Variants in DNAAF5 observed in about 807,000 individuals in gnomAD.
DNAAF5 encodes HEAT repeat containing 2.
In DNAAF5, 64 loss-of-function variants were observed where a neutral mutation model predicts 75.8. That is an observed-to-expected ratio of 0.84 (90% CI 0.69 to 1.04). The LOEUF (loss-of-function observed/expected upper bound fraction) is 1.04. Ranked by LOEUF, DNAAF5 falls within the 50% of genes least tolerant of loss-of-function variation. The pLI, the probability that DNAAF5 is intolerant of heterozygous loss-of-function variation, is 0.00. For synonymous variants in DNAAF5, 657 were observed against 557.2 expected, an observed-to-expected ratio of 1.18 and a Z score of -2.52; for missense variants, 1,269 against 1,178.5, an observed-to-expected ratio of 1.08 and a Z score of -1.12.
At chr7:779,833 G>A in intron 11 of DNAAF5, 120 bp from the exon 12 acceptor site, 4 of 814,734 alleles carry the variant, frequency 4.9e-6, no homozygotes, top group Non-Finnish European at 5.7e-6. Flanking sequence ...CGTGAGGTGT[G>A]GGTTTCTTAG....
Position 774,214 on chromosome 7 carries a change from C to T in DNAAF5, c.2082+16C>T. On this transcript the variant is annotated intron_variant, in intron 10 of 12. Transcript: ENST00000297440. The stretch of plus-strand genomic sequence containing the variant: ...GGCAGAGCAGGTACGGGGCTCCCTG[C>T]GTGCTCGGTGGACACCGGCCGGGGA... 3.1e-6 allele frequency: 5 copies of T among 1,594,164 alleles called. No individual in the cohort carries two copies. Among genetic ancestry groups the T allele is most frequent in the Non-Finnish European group, 3.4e-6 (4 of 1,174,056 alleles).
chr7:767,847 G>A (rs540550794), intron 8 of DNAAF5, among the ~76,000 whole-genome samples: 6 of 147,222 alleles, frequency 4.1e-5, no homozygotes, highest in Non-Finnish European at 9.0e-5. Context: ...TCCCTGCTGC[G>A]AGCAGGAGCT....
chr7:756,677 C>G (rs1471656096), intron 5 of DNAAF5, 105 bp from the exon 6 acceptor site: 3 of 991,042 alleles, frequency 3.0e-6, no homozygotes, highest in Non-Finnish European at 4.7e-6. Context: ...ACACGGGGCT[C>G]TGTCTGGTGC....
At chr7:762,050 G>A (rs571156772) in intron 7 of DNAAF5, among the ~76,000 whole-genome samples, 154 bp downstream of exon 7, 2 of 151,586 alleles carry the variant, frequency 1.3e-5, no homozygotes, top group South Asian at 2.1e-4. Flanking sequence ...CCCGGGCAAC[G>A]GCCTTCGGGG....
At chr7:782,444 G>A in intron 12 of DNAAF5, among the ~76,000 whole-genome samples, 1 of 141,244 alleles carries the variant, frequency 7.1e-6, no homozygotes, top group African/African-American at 2.7e-5. Flanking sequence ...GCATCTTCCT[G>A]GTGTGGCCGC....
intron 4 of DNAAF5, among the ~76,000 whole-genome samples, chr7:744,105 A>G (rs1782007986): frequency 6.6e-6 from 1 of 151,788 alleles, no homozygotes. Flanking sequence ...TCACCCCACA[A>G]CAGTTCTCAG....
chr7:772,244 G>A (rs1042098044), intron 9 of DNAAF5: 61 of 152,348 alleles, frequency 4.0e-4, no homozygotes, highest in African/African-American at 1.3e-3. Context: ...TGGGACACTC[G>A]GGACTAGTTG....
At chr7:749,259 GC>G (rs1782215807) in intron 4 of DNAAF5, among the ~76,000 whole-genome samples, 1 of 152,224 alleles carries the variant, frequency 6.6e-6, no homozygotes, top group East Asian at 1.9e-4. Context: ...GCAGCAGATG[GC>G]TTGGTGACAG....
chr7:774,957 C>G, intron 10 of DNAAF5, 49 bp from the exon 11 acceptor site: 1 of 1,587,304 alleles, frequency 6.3e-7, no homozygotes, highest in Non-Finnish European at 8.6e-7. Context: ...CACCCCCACC[C>G]CACCCCAGGA....
At chr7:780,638 T>TTTTA (rs1778905550) in intron 12 of DNAAF5, among the ~76,000 whole-genome samples, 1 of 152,036 alleles carries the variant, frequency 6.6e-6, no homozygotes, top group Non-Finnish European at 1.5e-5. Context: ...AAGAAGAGTA[T>TTTTA]TTTAGTAGCC....
In DNAAF5 at chr7:761,769, G is replaced by A. The variant is rs149610399; in HGVS notation, c.1487G>A (p.Arg496His). The A allele has an allele frequency of 8.6e-5, 138 of 1,606,460 alleles. No homozygotes were observed. The Middle Eastern group carries it at 4.6e-3, about 54-fold the overall frequency. The stretch of plus-strand genomic sequence containing the variant: ...CTCTTCCAGGACCTCTACCTGGAGC[G>A]CCTGCTGCTGTGTGTGCAGGCTCTG... ...QASENDLYLE[R>H]LLLCVQALVS... Residue 496 changes from arginine (R) to histidine (H), a missense_variant, in exon 7 of 13, where the codon CGC becomes CAC. Physicochemically the swap from Arg to His is conservative, Grantham distance 29. Coordinates refer to ENST00000297440, the MANE Select transcript of DNAAF5 (RefSeq NM_017802.4).
chr7:744,381 A>C (rs1268965270), intron 4 of DNAAF5, among the ~76,000 whole-genome samples: 2 of 152,222 alleles, frequency 1.3e-5, no homozygotes, highest in Non-Finnish European at 2.9e-5. Flanking sequence ...GCTATTGTGA[A>C]TAGAGCTGCA....
intron 4 of DNAAF5, among the ~76,000 whole-genome samples, chr7:746,228 C>T (rs1048936693): frequency 2.6e-5 from 4 of 151,858 alleles, no homozygotes; most frequent in African/African-American, 4.8e-5. Context: ...TGCCACCCCC[C>T]GCCTGCCGTG....
At chr7:734,290 G>T (rs1457842251) in intron 2 of DNAAF5, among the ~76,000 whole-genome samples, 1 of 152,072 alleles carries the variant, frequency 6.6e-6, no homozygotes, top group Non-Finnish European at 1.5e-5. Flanking sequence ...CCAGTTTTTT[G>T]AAGATTTTTA....
At chr7:781,783 C>T (rs1245137406) in intron 12 of DNAAF5, among the ~76,000 whole-genome samples, 2 of 152,206 alleles carry the variant, frequency 1.3e-5, no homozygotes, top group South Asian at 2.1e-4. Flanking sequence ...TTGTCATTTC[C>T]ATGCTGTCTT....
At chr7:750,045 T>C (rs924681100) in intron 4 of DNAAF5, among the ~76,000 whole-genome samples, 2 of 152,214 alleles carry the variant, frequency 1.3e-5, no homozygotes, top group African/African-American at 2.4e-5. Flanking sequence ...TTCAGAACCA[T>C]GTTCAGAAGC....
Position 740,816 on chromosome 7 carries a change from C to T in DNAAF5, c.781-3C>T, listed in dbSNP as rs1328189137. On this transcript the variant is annotated splice_polypyrimidine_tract_variant and splice_region_variant and intron_variant, in intron 2 of 12. Transcript: ENST00000297440. The stretch of plus-strand genomic sequence containing the variant: ...AATCCTTATCCCTTCCTCTCATGCG[C>T]AGGTCCGGCGGGCGGTGGCCTCCGT... 3 of 1,613,526 alleles carry T rather than the reference C, an allele frequency of 1.9e-6. No homozygotes were observed. Among genetic ancestry groups the T allele is most frequent in the African/African-American group, 1.3e-5 (1 of 74,948 alleles).
At chr7:733,591 G>T (rs1263311003) in intron 2 of DNAAF5, among the ~76,000 whole-genome samples, 1 of 152,174 alleles carries the variant, frequency 6.6e-6, no homozygotes, top group East Asian at 1.9e-4. Flanking sequence ...CCGCCTCCCA[G>T]GTTCACGCCA....
chr7:741,433 C>A lies in DNAAF5; in HGVS notation c.992C>A (p.Ala331Asp). Reference sequence around the variant, plus strand: ...GACCTGAAGGACAAGCTGGACTTTGCCCCTCCCACCCCACCCCATTACCCT... The same window carrying A: ...GACCTGAAGGACAAGCTGGACTTTGACCCTCCCACCCCACCCCATTACCCT... Reference protein sequence around the residue: ...EEDLKDKLDFAPPTPPHYPPH... With the variant: ...EEDLKDKLDFDPPTPPHYPPH... The change falls in exon 4 of 13, where the codon GCC (alanine) becomes GAC (aspartate). Residue 331 changes from alanine to aspartate, a missense_variant. Ala to Asp is a moderately radical substitution (Grantham distance 126). Transcript: ENST00000297440. 6.8e-7 allele frequency: 1 copy of A among 1,475,282 alleles called. No homozygotes were observed. The highest frequency in any genetic ancestry group is 9.2e-7 in the Non-Finnish European group (1 of 1,082,686). The allele number at this position is 1,475,282 out of a possible 1,614,324, so 91.4% of individuals were successfully genotyped here.
Sources: gnomAD v4.1 joint callset for allele counts (sites outside exome capture counted in the v4.1 genomes callset) on GRCh38, gnomAD v4.1.1 for gene constraint, MANE v1.5 for transcripts, NCBI Gene and HGNC (gene_info 2026-07-23, HGNC 2026-07-21) for gene names.